The following DENND2C variants were observed in gnomAD, a reference collection of about 807,000 sequenced individuals.
DENND2C encodes DENN domain-containing protein 2C.
A neutral mutation model predicts 112.4 loss-of-function variants in DENND2C; 72 were observed. The ratio of observed to expected loss-of-function variants is 0.64; its 90% CI spans 0.53 to 0.78. The LOEUF (loss-of-function observed/expected upper bound fraction) is 0.78, where lower values mean the gene tolerates loss of function less well. DENND2C is among the 30% of genes least tolerant of loss of function. The probability of loss-of-function intolerance (pLI) is 0.00; values close to 1 mark genes in which losing one functional copy is unlikely to be tolerated. For missense variants in DENND2C, 992 were observed against 1,113.8 expected (o/e 0.89, Z 1.56); for synonymous variants, 329 against 381.6 (o/e 0.86, Z 1.61).
chr1:114,665,235 T>C (rs2101702180), intron 1 of DENND2C, among the ~76,000 whole-genome samples: 1 of 149,268 alleles, frequency 6.7e-6, no homozygotes, highest in South Asian at 2.1e-4. Context: ...CATCACTGTA[T>C]TCCAGCCAGG....
Position 114,602,116 on chromosome 1 carries a change from G to T in DENND2C, c.1737+9C>A. On this transcript the variant is annotated intron_variant, in intron 12 of 20. Coordinates refer to ENST00000393274, the MANE Select transcript of DENND2C (RefSeq NM_001256404.2). ...CCAACCCTGTCTGTAACACAAATCT[G>T]ATACTTACCAAGAGCTTCTTACAGT... 2 of 1,613,510 alleles carry T rather than the reference G, an allele frequency of 1.2e-6. No homozygotes were observed. The highest frequency in any genetic ancestry group is 1.1e-5 in the South Asian group (1 of 90,942).
chr1:114,589,947 T>A (rs979182505), intron 18 of DENND2C, among the ~76,000 whole-genome samples: 1 of 152,226 alleles, frequency 6.6e-6, no homozygotes, highest in African/African-American at 2.4e-5. Flanking sequence ...GAATTTTGTA[T>A]TTGTTATTCC....
intron 3 of DENND2C, among the ~76,000 whole-genome samples, chr1:114,644,379 A>G (rs1472635948): frequency 6.6e-6 from 1 of 152,142 alleles, no homozygotes; most frequent in Non-Finnish European, 1.5e-5. Context: ...CAGCACCCAG[A>G]AGAGTATGCA....
intron 8 of DENND2C, among the ~76,000 whole-genome samples, chr1:114,616,164 T>A (rs1570775172): frequency 6.6e-6 from 1 of 151,630 alleles, no homozygotes; most frequent in Non-Finnish European, 1.5e-5. Context: ...CCCAGGCAGG[T>A]GGATCATTTG....
chr1:114,658,197 G>A (rs770300407), intron 1 of DENND2C, among the ~76,000 whole-genome samples: 12 of 152,140 alleles, frequency 7.9e-5, no homozygotes, highest in South Asian at 2.1e-4. Context: ...AGGAGAAAAG[G>A]TGCAAGAATA....
At chr1:114,651,131 A>C (rs1657148405) in intron 2 of DENND2C, among the ~76,000 whole-genome samples, 1 of 151,948 alleles carries the variant, frequency 6.6e-6, no homozygotes, top group South Asian at 2.1e-4. Flanking sequence ...AAAACAAAAC[A>C]AAACCAACAA....
rs76957464 is a variant in DENND2C, at chr1:114,605,494, G to T, written c.1558-463C>A. On this transcript the variant is annotated intron_variant, in intron 10 of 20. Transcript: ENST00000393274. ...TCAAAGAAGCTTTGAAATGGTAGATGAATGTTATTTAGAAAAGATACGGCC... is the reference window on the plus strand; with the variant it reads ...TCAAAGAAGCTTTGAAATGGTAGATTAATGTTATTTAGAAAAGATACGGCC... Among the ~76,000 whole-genome samples, 1,508 of 152,320 alleles carry T rather than the reference G, an allele frequency of 9.9e-3. 17 individuals are homozygous for T. Among genetic ancestry groups the T allele is most frequent in the Middle Eastern group, 0.051 (15 of 294 alleles).
intron 3 of DENND2C, among the ~76,000 whole-genome samples, chr1:114,638,921 GA>G (rs1294875841): frequency 2.6e-5 from 4 of 151,898 alleles, no homozygotes; most frequent in Non-Finnish European, 5.9e-5. Context: ...CACAGACTGG[GA>G]AAAAATATCT....
intron 18 of DENND2C, among the ~76,000 whole-genome samples, chr1:114,593,210 TCTC>T (rs1437042489): frequency 6.6e-6 from 1 of 152,136 alleles, no homozygotes; most frequent in Admixed American, 6.6e-5. Flanking sequence ...GCTGGATAGT[TCTC>T]CTCCTTCCAA....
chr1:114,656,053 G>T (rs1232861581), intron 1 of DENND2C, among the ~76,000 whole-genome samples: 1 of 151,684 alleles, frequency 6.6e-6, no homozygotes, highest in East Asian at 1.9e-4. Context: ...TACGAAGAAA[G>T]CTGTTCTAAA....
intron 3 of DENND2C, among the ~76,000 whole-genome samples, chr1:114,631,108 G>A (rs1656476504): frequency 6.6e-6 from 1 of 152,230 alleles, no homozygotes; most frequent in Admixed American, 6.5e-5. Context: ...GGGCACTGTG[G>A]CTGATGCCTG....
At position 114,660,842 on chromosome 1, in the gene DENND2C, G is replaced by A. The variant is rs138553421; in HGVS notation, c.-573-6081C>T. Among the ~76,000 whole-genome samples, 44 of 152,162 alleles carry A rather than the reference G, an allele frequency of 2.9e-4. No homozygotes were observed. In the East Asian group the frequency reaches 8.3e-3, roughly 29 times the overall value. Reference sequence around the variant, plus strand: ...CAACAAGAAAATCCTGCCGGGCGTGGTGTCTCATGCCTGTAATCCCTGCAC... The same window carrying A: ...CAACAAGAAAATCCTGCCGGGCGTGATGTCTCATGCCTGTAATCCCTGCAC... On this transcript the variant is annotated intron_variant, in intron 1 of 20. Coordinates refer to ENST00000393274, the MANE Select transcript of DENND2C (RefSeq NM_001256404.2).
intron 7 of DENND2C, among the ~76,000 whole-genome samples, chr1:114,620,230 C>T (rs1049620067): frequency 6.6e-6 from 1 of 152,136 alleles, no homozygotes; most frequent in Non-Finnish European, 1.5e-5. Flanking sequence ...AAGATTCAAT[C>T]CAAGGAGGGT....
intron 11 of DENND2C, among the ~76,000 whole-genome samples, 178 bp downstream of exon 11, chr1:114,604,744 A>T: frequency 6.9e-6 from 1 of 144,716 alleles, no homozygotes; most frequent in African/African-American, 2.6e-5. Context: ...CCACGTTTTT[A>T]TTTTTTTAAG....
At chr1:114,604,140 T>C (rs1258028100) in intron 11 of DENND2C, among the ~76,000 whole-genome samples, 1 of 152,152 alleles carries the variant, frequency 6.6e-6, no homozygotes, top group Non-Finnish European at 1.5e-5. Flanking sequence ...GATGAGAGTG[T>C]CAATCAGGCT....
chr1:114,648,125 A>ACAACC (rs574081151), intron 2 of DENND2C, among the ~76,000 whole-genome samples: 5 of 152,146 alleles, frequency 3.3e-5, no homozygotes, highest in Non-Finnish European at 7.4e-5. Flanking sequence ...AATTCTTACA[A>ACAACC]CAACCCTAAC....
At chr1:114,658,963 C>G (rs1461760985) in intron 1 of DENND2C, among the ~76,000 whole-genome samples, 4 of 152,094 alleles carry the variant, frequency 2.6e-5, no homozygotes, top group Non-Finnish European at 5.9e-5. Context: ...AATTCATTCT[C>G]TTTTTGGAGT....
rs1210526108 is a variant in DENND2C, at chr1:114,625,441, C to T, written c.544G>A (p.Asp182Asn). Residue 182 changes from aspartate to asparagine, a missense_variant, in exon 4 of 21, where the codon GAT becomes AAT. Around this residue, in one of 3 missense-constraint regions of DENND2C, gnomAD observed 470 missense variants for 472.7 expected, o/e 0.99. Coordinates refer to ENST00000393274, the MANE Select transcript of DENND2C (RefSeq NM_001256404.2). ...SEKELNFRVL[D>N]SSYGITKSLE... ...CTCTTGGTTATTCCGTATGAACTAT[C>T]CAGAACTCTGAAGTTCAGTTCTTTT... 1.2e-6 allele frequency: 2 copies of T among 1,614,098 alleles called. No homozygotes were observed. The highest frequency in any genetic ancestry group is 2.2e-5 in the South Asian group (2 of 91,076).
At chr1:114,608,969 C>A (rs1347186490) in intron 9 of DENND2C, 96 bp from the exon 10 acceptor site, 11 of 1,295,354 alleles carry the variant, frequency 8.5e-6, no homozygotes, top group Non-Finnish European at 1.2e-5. Flanking sequence ...AATCTTCACA[C>A]AGTCACTGCT....
Sources: gnomAD v4.1 joint callset for allele counts (sites outside exome capture counted in the v4.1 genomes callset) on GRCh38, gnomAD v4.1.1 for gene constraint, gnomAD v4.1.1 regional missense constraint, MANE v1.5 for transcripts, NCBI Gene and HGNC (gene_info 2026-07-23, HGNC 2026-07-21) for gene names.